CTNNA3: variants seen among roughly 807,000 people sequenced by gnomAD.
CTNNA3 encodes the protein catenin alpha 3, also known as catenin alpha-3.
Under a neutral mutation model 95.7 loss-of-function variants are expected in CTNNA3, and 76 were observed. The ratio of observed to expected loss-of-function variants is 0.79; its 90% confidence interval spans 0.66 to 0.96. The LOEUF is 0.96. Among genes scored for constraint, CTNNA3 ranks in the 40% least tolerant of loss-of-function variants. The pLI, the probability that CTNNA3 is intolerant of heterozygous loss-of-function variation, is 0.00. For missense variants in CTNNA3, 1,191 were observed against 1,089.8 expected, an observed-to-expected ratio of 1.09 and a Z score of -1.31; for synonymous variants, 431 against 374.4, an observed-to-expected ratio of 1.15 and a Z score of -1.74.
At chr10:66,420,842 A>AAATAACT (rs1564945941) in intron 11 of CTNNA3, among the ~76,000 whole-genome samples, 1 of 107,926 alleles carries the variant, frequency 9.3e-6, no homozygotes, top group Admixed American at 8.5e-5. Flanking sequence ...AATAAATAAA[A>AAATAACT]AACAATATGG....
intron 13 of CTNNA3, among the ~76,000 whole-genome samples, chr10:66,106,337 TTGTGTGTGTGTGTGTGTGTGTGTG>T (rs201326026): frequency 1.4e-5 from 2 of 145,440 alleles, no homozygotes; most frequent in African/African-American, 2.6e-5. Context: ...GTGTGTGTGT[TTGTGTGTGTGTGTGTGTGTGTGTG>T]TGTGTGTGTG....
At chr10:67,441,266 A>G (rs71496042) in intron 5 of CTNNA3, among the ~76,000 whole-genome samples, 33 of 144,202 alleles carry the variant, frequency 2.3e-4, no homozygotes, top group Admixed American at 2.3e-3. Context: ...AGAGAAGACA[A>G]AAAAAAAAAA....
chr10:67,530,496 T>C (rs924623218), intron 4 of CTNNA3, among the ~76,000 whole-genome samples: 1 of 152,180 alleles, frequency 6.6e-6, no homozygotes, highest in Non-Finnish European at 1.5e-5. Flanking sequence ...TTTGTGGAAA[T>C]TTGAACTTGA....
intron 7 of CTNNA3, among the ~76,000 whole-genome samples, chr10:67,036,493 G>T (rs578143770): frequency 1.3e-5 from 2 of 151,918 alleles, no homozygotes; most frequent in South Asian, 4.2e-4. Context: ...GTGAAACCCC[G>T]TCTCTACTAA....
At chr10:66,833,835 C>A (rs1306908069) in intron 7 of CTNNA3, among the ~76,000 whole-genome samples, 1 of 152,160 alleles carries the variant, frequency 6.6e-6, no homozygotes, top group African/African-American at 2.4e-5. Context: ...AATAGGATTT[C>A]ACGAATCCTG....
At chr10:67,674,431 G>A (rs951044910) in intron 1 of CTNNA3, among the ~76,000 whole-genome samples, 7 of 152,090 alleles carry the variant, frequency 4.6e-5, no homozygotes, top group African/African-American at 1.7e-4. Flanking sequence ...AAAGATCCCA[G>A]TCTGTGGTAT....
intron 12 of CTNNA3, among the ~76,000 whole-genome samples, chr10:66,299,272 C>A (rs973739694): frequency 6.6e-6 from 1 of 152,160 alleles, no homozygotes; most frequent in Non-Finnish European, 1.5e-5. Context: ...GGGTCCTCGA[C>A]CTTGGCAAAA....
intron 7 of CTNNA3, among the ~76,000 whole-genome samples, chr10:66,930,030 G>C (rs1404711387): frequency 6.6e-6 from 1 of 151,874 alleles, no homozygotes; most frequent in Non-Finnish European, 1.5e-5. Context: ...CAGCAACAAA[G>C]AAAAAGTGAA....
intron 12 of CTNNA3, among the ~76,000 whole-genome samples, chr10:66,353,760 A>T (rs1471717966): frequency 6.6e-6 from 1 of 152,074 alleles, no homozygotes; most frequent in Non-Finnish European, 1.5e-5. Context: ...GGAACTGGAG[A>T]TTAATCAACC....
At chr10:67,157,836 T>C (rs900847741) in intron 7 of CTNNA3, among the ~76,000 whole-genome samples, 3 of 152,142 alleles carry the variant, frequency 2.0e-5, no homozygotes, top group Admixed American at 2.0e-4. Flanking sequence ...ATCTCTAGGT[T>C]CTAAAAGTCT....
At chr10:67,557,270 A>C (rs1284515914) in intron 3 of CTNNA3, among the ~76,000 whole-genome samples, 3 of 152,244 alleles carry the variant, frequency 2.0e-5, no homozygotes, top group Admixed American at 6.5e-5. Flanking sequence ...TCATCCAAAC[A>C]GTTTCCAACA....
intron 5 of CTNNA3, among the ~76,000 whole-genome samples, chr10:67,481,643 A>C (rs1848232640): frequency 6.6e-6 from 1 of 152,160 alleles, no homozygotes; most frequent in Non-Finnish European, 1.5e-5. Context: ...TAGATTCTGG[A>C]TATTAGCCCT....
chr10:67,040,779 A>G (rs1854344649), intron 7 of CTNNA3, among the ~76,000 whole-genome samples: 1 of 152,140 alleles, frequency 6.6e-6, no homozygotes, highest in African/African-American at 2.4e-5. Context: ...AGCAGAATCC[A>G]TTCTCTGTGG....
intron 5 of CTNNA3, among the ~76,000 whole-genome samples, chr10:67,229,092 C>T (rs990149124): frequency 6.6e-6 from 1 of 151,996 alleles, no homozygotes; most frequent in African/African-American, 2.4e-5. Context: ...TAACTGAAAC[C>T]AAAAACATAT....
chr10:67,230,988 A>G (rs1289335949), intron 5 of CTNNA3, among the ~76,000 whole-genome samples: 2 of 152,230 alleles, frequency 1.3e-5, no homozygotes, highest in Admixed American at 6.5e-5. Context: ...ACGGCGCACC[A>G]GGAGACTGTG....
At chr10:67,294,429 T>C (rs1031397201) in intron 5 of CTNNA3, among the ~76,000 whole-genome samples, 1 of 152,196 alleles carries the variant, frequency 6.6e-6, no homozygotes, top group Non-Finnish European at 1.5e-5. Context: ...ATATGTTCCC[T>C]TCTGTTCCAC....
At chr10:66,035,244 C>T (rs114448670) in intron 15 of CTNNA3, among the ~76,000 whole-genome samples, 2,505 of 151,846 alleles carry the variant, frequency 0.016, 73 homozygotes, top group African/African-American at 0.057. Context: ...TTTGTGAAGC[C>T]GAAAAGGGTA....
chr10:66,745,866 T>C (rs1354156617), intron 9 of CTNNA3, among the ~76,000 whole-genome samples: 1 of 151,968 alleles, frequency 6.6e-6, no homozygotes, highest in Non-Finnish European at 1.5e-5. Flanking sequence ...CCCAAAGTGC[T>C]GGGATTACAG....
chr10:66,053,506 T>C (rs1455272717), intron 15 of CTNNA3, among the ~76,000 whole-genome samples: 1 of 152,072 alleles, frequency 6.6e-6, no homozygotes, highest in Non-Finnish European at 1.5e-5. Flanking sequence ...AATCCAATTA[T>C]ACTCTTCATT....
Sources: gnomAD v4.1 joint callset for allele counts (sites outside exome capture counted in the v4.1 genomes callset) on GRCh38, gnomAD v4.1.1 for gene constraint, MANE v1.5 for transcripts, NCBI Gene and HGNC (gene_info 2026-07-23, HGNC 2026-07-21) for gene names.